SV2C: variants seen among roughly 807,000 people sequenced by gnomAD.
SV2C encodes solute carrier family 22 member B3.
A neutral mutation model predicts 79.7 loss-of-function variants in SV2C; 49 were observed. The observed-to-expected ratio is 0.61, with a 90% CI of 0.49 to 0.78. The LOEUF (loss-of-function observed/expected upper bound fraction) is 0.78. Ranked by LOEUF, SV2C falls within the 30% of genes least tolerant of loss-of-function variation. The probability of loss-of-function intolerance (pLI) is 0.00; values close to 1 mark genes in which losing one functional copy is unlikely to be tolerated. For synonymous variants in SV2C, 334 were observed against 333.2 expected (o/e 1.00, Z -0.03); for missense variants, 833 against 912.9 (o/e 0.91, Z 1.13).
At chr5:75,996,625 G>A in the SV2C span, among the ~76,000 whole-genome samples, 14,429 of 152,010 alleles carry the variant, frequency 0.095, 798 homozygotes, top group African/African-American at 0.15. Context: ...AGCATGGAAT[G>A]TTCTTCCATT....
chr5:75,860,337 C>A, the SV2C span, among the ~76,000 whole-genome samples: 1 of 152,102 alleles, frequency 6.6e-6, no homozygotes, highest in East Asian at 1.9e-4. Flanking sequence ...AAAGTAATTG[C>A]GGTTTTTGCC....
chr5:76,239,504 C>G (rs1745716700), intron 4 of SV2C, among the ~76,000 whole-genome samples: 1 of 152,162 alleles, frequency 6.6e-6, no homozygotes, highest in African/African-American at 2.4e-5. Context: ...CGCATGATAC[C>G]TGGGGTCTTT....
chr5:76,161,047 A>C (rs1326338136), intron 2 of SV2C, among the ~76,000 whole-genome samples: 1 of 152,230 alleles, frequency 6.6e-6, no homozygotes, highest in Non-Finnish European at 1.5e-5. Context: ...AGAATAATGA[A>C]AACAAAAGTC....
chr5:75,973,398 G>A, the SV2C span, among the ~76,000 whole-genome samples: 3 of 151,964 alleles, frequency 2.0e-5, no homozygotes, highest in African/African-American at 7.3e-5. Flanking sequence ...AGGAGGCTAA[G>A]GTAGGAGGAT....
Position 76,325,273 on chromosome 5 carries a change from A to C in SV2C, c.2001-91A>C, listed in dbSNP as rs547442618. 3.8e-6 allele frequency: 5 copies of C among 1,317,216 alleles called. No individual in the cohort carries two copies. In the South Asian group the frequency reaches 5.4e-5, roughly 14 times the overall value. The allele number at this position is 1,317,216 out of a possible 1,614,324, so 81.6% of individuals were successfully genotyped here. ...ACTGATATACAACACAATCTGAGGG[A>C]AGATCATTGAAAATCTAGGATCTTT... On this transcript the variant is annotated intron_variant, in intron 12 of 12. Transcript: ENST00000502798.
chr5:75,878,565 C>T, the SV2C span, among the ~76,000 whole-genome samples: 18,944 of 152,108 alleles, frequency 0.12, 1,396 homozygotes, highest in African/African-American at 0.22. Flanking sequence ...AAGCCCTAAA[C>T]TAATTTTCCC....
chr5:76,351,830 T>C (rs997458389), intron 12 of SV2C, among the ~76,000 whole-genome samples: 1 of 152,202 alleles, frequency 6.6e-6, no homozygotes, highest in Non-Finnish European at 1.5e-5. Context: ...CACCCTCGCA[T>C]GGCAAGCTCA....
intron 4 of SV2C, among the ~76,000 whole-genome samples, chr5:76,229,530 T>C (rs1745349852): frequency 6.6e-6 from 1 of 152,208 alleles, no homozygotes; most frequent in Non-Finnish European, 1.5e-5. Context: ...CTTTAAGACT[T>C]TCCCACCTTC....
intron 6 of SV2C, among the ~76,000 whole-genome samples, chr5:76,286,145 T>C (rs986175365): frequency 1.3e-5 from 2 of 152,202 alleles, no homozygotes; most frequent in African/African-American, 4.8e-5. Flanking sequence ...TCGAGGGCTC[T>C]GTGGTTGGTT....
At chr5:75,984,594 T>TCTATCTACCTATCTATCTATCTAC in the SV2C span, among the ~76,000 whole-genome samples, 24 of 81,908 alleles carry the variant, frequency 2.9e-4, no homozygotes, top group African/African-American at 7.5e-4. Context: ...TATCTATCTA[T>TCTATCTACCTATCTATCTATCTAC]CTACCTATCT....
chr5:76,334,223 G>A (rs1749264785), downstream of SV2C, among the ~76,000 whole-genome samples: 1 of 152,126 alleles, frequency 6.6e-6, no homozygotes, highest in Non-Finnish European at 1.5e-5. Context: ...CCTAGAGTAG[G>A]AATAGCAAAC....
the SV2C span, among the ~76,000 whole-genome samples, chr5:75,897,638 A>G: frequency 6.6e-6 from 1 of 152,306 alleles, no homozygotes; most frequent in African/African-American, 2.4e-5. Context: ...GATGACATTG[A>G]ATCTATAAAT....
At chr5:76,295,220 C>A (rs1412282255) in intron 8 of SV2C, among the ~76,000 whole-genome samples, 1 of 152,208 alleles carries the variant, frequency 6.6e-6, no homozygotes, top group African/African-American at 2.4e-5. Context: ...GCAGTAATGG[C>A]ACAGTCTCTG....
the SV2C span, among the ~76,000 whole-genome samples, chr5:76,055,648 C>A: frequency 6.6e-6 from 1 of 151,872 alleles, no homozygotes; most frequent in Non-Finnish European, 1.5e-5. Flanking sequence ...GTTTTTCCAT[C>A]TGTTTGTGTC....
upstream of SV2C, chr5:76,083,022 G>A (rs1747044156): frequency 1.3e-5 from 2 of 152,526 alleles, no homozygotes; most frequent in Admixed American, 1.3e-4. Context: ...CACAGTCACA[G>A]TTGGTGACTA....
At position 76,314,410 on chromosome 5, in the gene SV2C, G is replaced by A. The variant is rs541118702; in HGVS notation, c.2001-10954G>A. On this transcript the variant is annotated intron_variant, in intron 12 of 12. Coordinates refer to ENST00000502798, the MANE Select transcript of SV2C (RefSeq NM_014979.4). ...GTTCCTCATAAAGCATTGCCTATTA[G>A]AGATCCACCTCCCCCTCTCCCTCTA... Among the ~76,000 whole-genome samples, 38 of 152,206 alleles carry A rather than the reference G, an allele frequency of 2.5e-4. No individual in the cohort carries two copies. The Middle Eastern group carries it at 0.01, about 41-fold the overall frequency.
At position 76,327,625 on chromosome 5, in the gene SV2C, G is replaced by C. The variant is rs1749051347; in HGVS notation, c.*2078G>C. 1 of 152,180 alleles carries C rather than the reference G, an allele frequency of 6.6e-6. No homozygotes were observed. Among genetic ancestry groups the C allele is most frequent in the Non-Finnish European group, 1.5e-5 (1 of 68,018 alleles). The allele number at this position is 152,180 out of a possible 1,614,324, so 9.4% of individuals were successfully genotyped here. ...CTTTTAGTTGAATGCAGCATGTGCA[G>C]AAATAACTGCAAAAGCCAGGAGTGC... On this transcript the variant is annotated 3_prime_UTR_variant, in exon 13 of 13. Coordinates refer to ENST00000502798, the MANE Select transcript of SV2C (RefSeq NM_014979.4).
chr5:75,971,708 C>A, the SV2C span, among the ~76,000 whole-genome samples: 1 of 152,134 alleles, frequency 6.6e-6, no homozygotes, highest in African/African-American at 2.4e-5. Context: ...ATTCCAAGCT[C>A]ATGGGTAGGA....
the SV2C span, among the ~76,000 whole-genome samples, chr5:76,010,110 T>A: frequency 2.0e-5 from 3 of 150,148 alleles, no homozygotes; most frequent in African/African-American, 7.3e-5. Flanking sequence ...CAATAGCACC[T>A]GTTACACAGG....
Sources: gnomAD v4.1 joint callset for allele counts (sites outside exome capture counted in the v4.1 genomes callset) on GRCh38, gnomAD v4.1.1 for gene constraint, MANE v1.5 for transcripts, NCBI Gene and HGNC (gene_info 2026-07-23, HGNC 2026-07-21) for gene names.